The following HDLBP variants were observed in gnomAD, a reference collection of about 807,000 sequenced individuals.
The protein encoded by HDLBP is high density lipoprotein binding protein.
In HDLBP, 30 loss-of-function variants were observed where a neutral mutation model predicts 137.3. The ratio of observed to expected loss-of-function variants is 0.22; its 90% CI spans 0.16 to 0.30. The LOEUF is 0.30. Among genes scored for constraint, HDLBP ranks in the 10% least tolerant of loss-of-function variants. HDLBP has a pLI of 1.00. For missense variants in HDLBP, 1,119 were observed against 1,667.3 expected, an observed-to-expected ratio of 0.67 and a Z score of 5.73; for synonymous variants, 606 against 596.0, an observed-to-expected ratio of 1.02 and a Z score of -0.24.
chr2:241,243,033 A>G (rs888545213), intron 16 of HDLBP, among the ~76,000 whole-genome samples: 4 of 152,208 alleles, frequency 2.6e-5, no homozygotes, highest in Non-Finnish European at 5.9e-5. Context: ...GCTCTGCCAG[A>G]GGTGGCTCCA....
At chr2:241,241,294 G>A (rs545733037) in intron 17 of HDLBP, among the ~76,000 whole-genome samples, 3 of 152,212 alleles carry the variant, frequency 2.0e-5, no homozygotes, top group African/African-American at 7.2e-5. Context: ...TGGGCCGGGC[G>A]CAGTGGCTCA....
chr2:241,229,784 G>GGCCCCCCC, intron 27 of HDLBP, 49 bp downstream of exon 27: 3 of 1,502,536 alleles, frequency 2.0e-6, no homozygotes, highest in Non-Finnish European at 2.7e-6. Context: ...AAGCCCGCCT[G>GGCCCCCCC]CCCGCCCACC....
In HDLBP at chr2:241,293,931, A is replaced by C. The variant is rs868295803; in HGVS notation, c.-103+21639T>G. ...TGCGAGACCCTGCCTCAAAAAAAAA[A>C]AAAAACAAAAACAGAAACATAGCTA... On this transcript the variant is annotated intron_variant, in intron 1 of 27. Transcript: ENST00000310931. Among the ~76,000 whole-genome samples, 100 of 151,862 alleles carry C rather than the reference A, an allele frequency of 6.6e-4. 1 individual carries two copies. The highest frequency in any genetic ancestry group is 1.6e-3 in the Admixed American group (24 of 15,274).
rs1223701405 is a variant in HDLBP at position 241,272,608 on chromosome 2, G to A, written c.-102-4067C>T. The stretch of plus-strand genomic sequence containing the variant: ...AGCAGGACACCCGCGGGCGGGGGCC[G>A]CAGCCTGGGGCCCGGGTGGGGGCCG... On this transcript the variant is annotated intron_variant, in intron 1 of 27. Coordinates refer to ENST00000310931, the MANE Select transcript of HDLBP (RefSeq NM_005336.6). This position sits in a 1 kb window ranked among gnomAD's most constrained non-coding sequence, Gnocchi z 5.6. 2 of 981,820 alleles carry A rather than the reference G, an allele frequency of 2.0e-6. No individual in the cohort carries two copies. The highest frequency in any genetic ancestry group is 1.2e-6 in the Non-Finnish European group (1 of 827,868). 60.8% of individuals were successfully genotyped at this position (981,820 alleles called of 1,614,324 possible). A position where few individuals can be genotyped will look rare whatever the true frequency, so the allele number is the denominator to read the frequency against.
Position 241,234,958 on chromosome 2 carries a change from G to T in HDLBP, c.3144+163C>A, listed in dbSNP as rs3771349. On this transcript the variant is annotated intron_variant, in intron 23 of 27. Transcript: ENST00000310931. ...TGCCATGCTCTTGGCTAGTTCCACAGCAAGACCCCTGGATGCTGACTGCGT... is the reference window on the plus strand; with the variant it reads ...TGCCATGCTCTTGGCTAGTTCCACATCAAGACCCCTGGATGCTGACTGCGT... Among the ~76,000 whole-genome samples, 15 of 152,366 alleles carry T rather than the reference G, an allele frequency of 9.8e-5. No individual in the cohort carries two copies. In the East Asian group the frequency reaches 2.9e-3, roughly 29 times the overall value.
At chr2:241,314,810 C>T (rs545123007) in intron 1 of HDLBP, among the ~76,000 whole-genome samples, 19 of 152,330 alleles carry the variant, frequency 1.2e-4, no homozygotes, top group South Asian at 4.1e-4. Flanking sequence ...AGGTTCCCAA[C>T]ACCATGCGGG....
At chr2:241,261,386 A>G (rs917904230) in intron 5 of HDLBP, among the ~76,000 whole-genome samples, 1 of 152,158 alleles carries the variant, frequency 6.6e-6, no homozygotes, top group Admixed American at 6.5e-5. Flanking sequence ...AATATTAAGA[A>G]ACCACTATCA....
chr2:241,253,298 C>T lies in HDLBP; in HGVS notation c.1293+95G>A, dbSNP rs532691113. 120 of 875,506 alleles carry T rather than the reference C, an allele frequency of 1.4e-4. No homozygotes were observed. In the East Asian group the frequency reaches 1.8e-3, roughly 13 times the overall value. 54.2% of individuals were successfully genotyped at this position (875,506 alleles called of 1,614,324 possible). On this transcript the variant is annotated intron_variant, in intron 10 of 27. Coordinates refer to ENST00000310931, the MANE Select transcript of HDLBP (RefSeq NM_005336.6). ...CTAGGATGCCCTGGGTGTCTGTGCC[C>T]GGACATGTGGGATGTCATCGAGAGA...
intron 5 of HDLBP, among the ~76,000 whole-genome samples, chr2:241,260,612 T>C (rs562592132): frequency 5.3e-5 from 8 of 152,278 alleles, no homozygotes; most frequent in East Asian, 1.9e-4. Context: ...CTTAACGAAT[T>C]TGGGCAATCA....
intron 1 of HDLBP, among the ~76,000 whole-genome samples, chr2:241,304,012 T>C (rs2075484233): frequency 6.6e-6 from 1 of 152,130 alleles, no homozygotes; most frequent in African/African-American, 2.4e-5. Context: ...GGGTCTCACT[T>C]TGTTGCCTAG....
chr2:241,287,984 C>T (rs569248509), intron 1 of HDLBP, among the ~76,000 whole-genome samples: 3 of 152,172 alleles, frequency 2.0e-5, no homozygotes, highest in Non-Finnish European at 4.4e-5. Context: ...ACACCACATA[C>T]CCCCAAAGTG....
At chr2:241,250,144 TG>T in intron 11 of HDLBP, 164 bp from the exon 12 acceptor site, 4 of 635,930 alleles carry the variant, frequency 6.3e-6, no homozygotes, top group Non-Finnish European at 1.1e-5. Flanking sequence ...TTGTCTAGAA[TG>T]GGGGCCAGTT....
chr2:241,314,406 T>C (rs932589089), intron 1 of HDLBP, among the ~76,000 whole-genome samples: 1 of 152,184 alleles, frequency 6.6e-6, no homozygotes, highest in Non-Finnish European at 1.5e-5. Context: ...AATAGGGTTT[T>C]AAGGAAGTTA....
chr2:241,298,933 T>C (rs2075287814), intron 1 of HDLBP, among the ~76,000 whole-genome samples: 1 of 152,212 alleles, frequency 6.6e-6, no homozygotes, highest in Non-Finnish European at 1.5e-5. Context: ...GACAATGAAC[T>C]GTGGTTCTGA....
At chr2:241,234,175 A>T (rs763095106) in intron 23 of HDLBP, among the ~76,000 whole-genome samples, 1 of 152,190 alleles carries the variant, frequency 6.6e-6, no homozygotes, top group Non-Finnish European at 1.5e-5. Context: ...CTCCACAAGG[A>T]GGTCTATAAA....
chr2:241,297,017 C>G (rs6724863), intron 1 of HDLBP, among the ~76,000 whole-genome samples: 4,625 of 152,358 alleles, frequency 0.03, 246 homozygotes, highest in African/African-American at 0.11. Flanking sequence ...CAACAAGAAT[C>G]CAACGGCTCA....
At chr2:241,266,955 T>C (rs541911101) in intron 2 of HDLBP, 49 bp from the exon 3 acceptor site, 69 of 1,317,694 alleles carry the variant, frequency 5.2e-5, no homozygotes, top group Middle Eastern at 1.8e-4. Context: ...CCCTCAATTA[T>C]CTATGAGATT....
chr2:241,235,968 C>A, intron 21 of HDLBP: 1 of 228,756 alleles, frequency 4.4e-6, no homozygotes, highest in East Asian at 1.1e-4. Context: ...CTTCCCTGCC[C>A]TGTCCCTTGG....
At chr2:241,242,911 G>T in intron 16 of HDLBP, 1 of 555,642 alleles carries the variant, frequency 1.8e-6, no homozygotes, top group Non-Finnish European at 3.2e-6. Context: ...GCGCTGGGAG[G>T]TGTTTAACTC....
Sources: allele counts gnomAD v4.1 joint callset (sites outside exome capture counted in the v4.1 genomes callset), GRCh38; gene constraint gnomAD v4.1.1; non-coding constraint Gnocchi (gnomAD v3.1); transcripts MANE v1.5; gene names NCBI Gene and HGNC (gene_info 2026-07-23, HGNC 2026-07-21).